IGF2: variants seen among roughly 807,000 people sequenced by gnomAD.
The protein encoded by IGF2 is insulin like growth factor 2, also known as insulin-like growth factor 2.
IGF2 carries 2 observed loss-of-function variants against 12.0 expected under a neutral mutation model. The observed-to-expected ratio is 0.17, with a 90% CI of 0.07 to 0.52. IGF2 has a LOEUF of 0.52. Among genes scored for constraint, IGF2 ranks in the 20% least tolerant of loss-of-function variants. The pLI is 0.95. For missense variants in IGF2, 211 were observed against 268.0 expected (o/e 0.79, Z 1.48); for synonymous variants, 105 against 110.1 (o/e 0.95, Z 0.29).
the IGF2 span, chr11:2,146,479 C>A: frequency 4.0e-6 from 2 of 500,982 alleles, no homozygotes. Flanking sequence ...CCCTCCACAC[C>A]AGACAGCACA....
upstream of IGF2, chr11:2,140,508 G>A: frequency 1.8e-6 from 1 of 569,708 alleles, no homozygotes; most frequent in South Asian, 2.1e-5. Flanking sequence ...GCCTCCCGGC[G>A]GAGTCCTAGG....
upstream of IGF2, chr11:2,140,382 C>G (rs1375108435): frequency 3.1e-6 from 4 of 1,311,014 alleles, no homozygotes; most frequent in Admixed American, 6.4e-5. Flanking sequence ...CCCCGCCAGC[C>G]CCCCGCCGCC....
chr11:2,148,134 G>T, the IGF2 span: 10 of 274,818 alleles, frequency 3.6e-5, no homozygotes, highest in South Asian at 1.7e-4. The surrounding 1 kb of genome is among the most constrained non-coding windows in gnomAD (Gnocchi z 4.3). Context: ...GGGGTGGAGG[G>T]TGCACACGAA....
chr11:2,136,491 C>T (rs1859061370), intron 1 of IGF2, among the ~76,000 whole-genome samples: 2 of 152,242 alleles, frequency 1.3e-5, no homozygotes, highest in Non-Finnish European at 1.5e-5. Context: ...GCCACAGGGC[C>T]GGGTTAACCC....
the IGF2 span, chr11:2,146,444 G>A: frequency 3.8e-6 from 2 of 531,012 alleles, no homozygotes; most frequent in Non-Finnish European, 7.7e-6. Flanking sequence ...GGCCTGGGAA[G>A]TAGGACTAAG....
chr11:2,146,268 C>T, the IGF2 span: 16 of 534,178 alleles, frequency 3.0e-5, 2 homozygotes, highest in South Asian at 2.0e-4. Flanking sequence ...CTCACCGCTC[C>T]GCCGTCCGTG....
the IGF2 span, chr11:2,149,448 T>A: frequency 2.0e-6 from 2 of 982,430 alleles, no homozygotes; most frequent in Non-Finnish European, 3.1e-6. Flanking sequence ...AAATGCCAAC[T>A]GAAATGATGG....
At chr11:2,140,932 G>C (rs1488045955), upstream of IGF2, 5 of 362,316 alleles carry the variant, frequency 1.4e-5, no homozygotes, top group African/African-American at 6.8e-5. Context: ...GTGGCAGGCG[G>C]TGGACGCTGC....
chr11:2,149,231 G>A, the IGF2 span: 1 of 1,613,464 alleles, frequency 6.2e-7, no homozygotes, highest in Non-Finnish European at 8.5e-7. Context: ...CCTGGACGAT[G>A]ATCCGCCGGC....
Position 2,135,514 on chromosome 11 carries a change from G to A in IGF2, c.10C>T (p.Pro4Ser), listed in dbSNP as rs1333440627. The part of the protein sequence containing the change: MGI[P>S]MGKSMLVLLT... Reference sequence around the variant, plus strand: ...AGCACCAGCATCGACTTCCCCATTGGGATTCCCATTGGTGTCTGGGGGCGG... The same window carrying A: ...AGCACCAGCATCGACTTCCCCATTGAGATTCCCATTGGTGTCTGGGGGCGG... Residue 4 changes from proline (P) to serine (S), a missense_variant, in exon 2 of 4, where the codon CCA (proline) becomes TCA (serine). By Grantham distance (74) the Pro-to-Ser change is moderately conservative. Coordinates refer to ENST00000416167, the MANE Select transcript of IGF2 (RefSeq NM_000612.6). 6.2e-7 allele frequency: 1 copy of A among 1,613,412 alleles called. No homozygotes were observed.
upstream of IGF2, chr11:2,141,011 C>G (rs949797997): frequency 4.0e-5 from 10 of 247,440 alleles, no homozygotes; most frequent in African/African-American, 1.2e-4. Flanking sequence ...TTGGAAGACC[C>G]GGGGACAATG....
Position 2,133,734 on chromosome 11 carries a change from G to T in IGF2, c.158-69C>A. The T allele has an allele frequency of 1.9e-6, 3 of 1,579,780 alleles. No individual in the cohort carries two copies. The South Asian group carries it at 3.4e-5, about 18-fold the overall frequency. On this transcript the variant is annotated intron_variant, in intron 2 of 3. Transcript: ENST00000416167. The surrounding 1 kb of genome is among the most constrained non-coding windows in gnomAD (Gnocchi z 8.9). The stretch of plus-strand genomic sequence containing the variant: ...TGACCCCAGCCCCCGGAGGCTGAAG[G>T]GGGAGCAAACCACCCCTGCCCTCAG...
At chr11:2,147,486 G>C in the IGF2 span, 1 of 551,078 alleles carries the variant, frequency 1.8e-6, no homozygotes, top group Non-Finnish European at 2.7e-6. The surrounding 1 kb of genome is among the most constrained non-coding windows in gnomAD (Gnocchi z 7.2). Flanking sequence ...GCTTGCAGAA[G>C]GGGGAGATCC....
chr11:2,146,171 G>T, upstream of IGF2: 1 of 505,288 alleles, frequency 2.0e-6, no homozygotes. Context: ...CCCCAGCCTC[G>T]GCCTGTGGCT....
the IGF2 span, chr11:2,149,212 C>A: frequency 6.2e-7 from 1 of 1,613,400 alleles, no homozygotes; most frequent in Non-Finnish European, 8.5e-7. Context: ...AGGCTCTCTG[C>A]CGAAACTGCC....
Position 2,133,881 on chromosome 11 carries a change from C to T in IGF2, c.158-216G>A, listed in dbSNP as rs1014490182. On this transcript the variant is annotated intron_variant, in intron 2 of 3. Transcript: ENST00000416167. The surrounding 1 kb of genome is among the most constrained non-coding windows in gnomAD (Gnocchi z 8.9). ...GAGGTGAGTGGGACCCAGACCAGCC[C>T]GTGGCCTCTGCTGCCTCCTTCCTCA... Among the ~76,000 whole-genome samples the T allele has an allele frequency of 3.3e-5, 5 of 152,310 alleles. No individual in the cohort carries two copies. The highest frequency in any genetic ancestry group is 2.1e-4 in the South Asian group (1 of 4,826).
At position 2,138,307 on chromosome 11, in the gene IGF2, A is replaced by C; in HGVS notation, c.-85T>G. 1.0e-6 allele frequency: 1 copy of C among 982,338 alleles called. No individual in the cohort carries two copies. The highest frequency in any genetic ancestry group is 1.2e-6 in the Non-Finnish European group (1 of 829,086). The allele number at this position is 982,338 out of a possible 1,614,324, so 60.9% of individuals were successfully genotyped here. ...CAGCGGGCGTTGGCCCTCCTGCCGG[A>C]CACTCCTCTGCCAGCGCCGCTCTGG... On this transcript the variant is annotated 5_prime_UTR_variant, in exon 1 of 4. Transcript: ENST00000416167.
upstream of IGF2, among the ~76,000 whole-genome samples, chr11:2,142,359 TG>T (rs1238943754): frequency 6.6e-6 from 1 of 152,118 alleles, no homozygotes; most frequent in Non-Finnish European, 1.5e-5. This position sits in a 1 kb window ranked among gnomAD's most constrained non-coding sequence, Gnocchi z 5.7. Flanking sequence ...TTGGAGGACT[TG>T]GGGGTCCATA....
At chr11:2,137,867 A>C (rs555397536) in intron 1 of IGF2, among the ~76,000 whole-genome samples, 111 of 151,862 alleles carry the variant, frequency 7.3e-4, no homozygotes, top group African/African-American at 2.6e-3. Context: ...CCTCCTCGTT[A>C]CCCAGCACCC....
Sources: gnomAD v4.1 joint callset for allele counts (sites outside exome capture counted in the v4.1 genomes callset) on GRCh38, gnomAD v4.1.1 for gene constraint, Gnocchi (gnomAD v3.1) non-coding constraint, MANE v1.5 for transcripts, NCBI Gene and HGNC (gene_info 2026-07-23, HGNC 2026-07-21) for gene names.